The following IDO1 variants were observed in gnomAD, a reference collection of about 807,000 sequenced individuals.
IDO1 encodes the protein indoleamine 2,3-dioxygenase 1.
A neutral mutation model predicts 38.8 loss-of-function variants in IDO1; 35 were observed. That is an observed-to-expected ratio of 0.90 (90% confidence interval 0.69 to 1.20). The LOEUF is 1.20. IDO1 is among the 50% of genes most tolerant of loss of function. The pLI is 0.00. For missense variants in IDO1, 509 were observed against 485.1 expected, an observed-to-expected ratio of 1.05 and a Z score of -0.46; for synonymous variants, 171 against 170.0, an observed-to-expected ratio of 1.01 and a Z score of -0.05.
Position 39,927,894 on chromosome 8 carries a change from G to T in IDO1, c.921G>T (p.Leu307=), listed in dbSNP as rs747391374. 1.7e-5 allele frequency: 27 copies of T among 1,602,830 alleles called. No individual in the cohort carries two copies. ...TGCCACCAGCTCACAGGAACTTCCT[G>T]TGCTCATTAGAGTCAAATCCCTCAG... ...RYMPPAHRNF[L]CSLESNPSVR... is the part of the protein sequence containing the mutation. The change falls in exon 10 of 10, where the codon CTG becomes CTT. Residue 307 remains leucine, a synonymous_variant. Coordinates refer to ENST00000518237, the MANE Select transcript of IDO1 (RefSeq NM_002164.6).
At chr8:39,922,464 T>G (rs1471656830) in intron 5 of IDO1, 88 bp from the exon 6 acceptor site, 1 of 833,684 alleles carries the variant, frequency 1.2e-6, no homozygotes, top group African/African-American at 1.7e-5. Flanking sequence ...TAAAATTATG[T>G]TGAAACTAAA....
At chr8:39,920,231 T>C (rs1020132503) in intron 5 of IDO1, 117 bp downstream of exon 5, 28 of 733,140 alleles carry the variant, frequency 3.8e-5, no homozygotes, top group South Asian at 1.2e-4. Flanking sequence ...AGCCAAAAAA[T>C]AATTTAAGTG....
In IDO1 at chr8:39,925,291, T is replaced by G; in HGVS notation, c.776T>G (p.Phe259Cys). 1 of 1,613,358 alleles carries G rather than the reference T, an allele frequency of 6.2e-7. No homozygotes were observed. Among genetic ancestry groups the G allele is most frequent in the Non-Finnish European group, 8.5e-7 (1 of 1,179,722 alleles). The change falls in exon 9 of 10, where the codon TTT becomes TGT. Residue 259 changes from phenylalanine to cysteine, a missense_variant. Coordinates refer to ENST00000518237, the MANE Select transcript of IDO1 (RefSeq NM_002164.6). ...YEGFWEDPKE[F>C]AGGSAGQSSV... Reference sequence around the variant, plus strand: ...GGGTTCTGGGAAGACCCAAAGGAGTTTGCAGGGGGCAGTGCAGGCCAAAGC... The same window carrying G: ...GGGTTCTGGGAAGACCCAAAGGAGTGTGCAGGGGGCAGTGCAGGCCAAAGC...
At chr8:39,927,740 C>A in intron 9 of IDO1, 90 bp from the exon 10 acceptor site, 2 of 708,500 alleles carry the variant, frequency 2.8e-6, no homozygotes, top group Non-Finnish European at 4.5e-6. Context: ...TATTGGTGAT[C>A]TCCTGCCCAC....
rs561548679 is a variant in IDO1, at chr8:39,913,898, G to T, written c.-25G>T. ...TCTGAAAACTCTTCAGACACTGAGG[G>T]GCACCAGAGGAGCAGACTACAAGAA... On this transcript the variant is annotated 5_prime_UTR_variant, in exon 1 of 10. Transcript: ENST00000518237. 6.1e-5 allele frequency: 93 copies of T among 1,513,142 alleles called. No homozygotes were observed. The South Asian group carries it at 1.1e-3, about 17-fold the overall frequency. 93.7% of individuals were successfully genotyped at this position (1,513,142 alleles called of 1,614,324 possible).
chr8:39,928,338 G>A lies in IDO1; in HGVS notation c.*153G>A, dbSNP rs1163842443. The A allele has an allele frequency of 7.1e-6, 4 of 561,758 alleles. No individual in the cohort carries two copies. The highest frequency in any genetic ancestry group is 5.7e-5 in the East Asian group (2 of 34,850). 34.8% of individuals were successfully genotyped at this position (561,758 alleles called of 1,614,324 possible). The stretch of plus-strand genomic sequence containing the variant: ...TCAAAATACCTGTGCATTTCTTGTA[G>A]GAAAACAACAAAAGGTAATTATGTG... On this transcript the variant is annotated 3_prime_UTR_variant, in exon 10 of 10. Transcript: ENST00000518237.
intron 7 of IDO1, 149 bp from the exon 8 acceptor site, chr8:39,924,572 C>T: frequency 1.7e-6 from 1 of 596,868 alleles, no homozygotes; most frequent in East Asian, 2.8e-5. Flanking sequence ...AAAGTGAATG[C>T]TTATCTGCAG....
chr8:39,918,410 C>T, intron 3 of IDO1: 1 of 563,498 alleles, frequency 1.8e-6, no homozygotes. Context: ...CTTCATTTTT[C>T]ATCCTGTATT....
intron 4 of IDO1, among the ~76,000 whole-genome samples, chr8:39,919,691 T>A (rs1586210458): frequency 2.0e-5 from 3 of 152,118 alleles, no homozygotes; most frequent in African/African-American, 4.8e-5. Flanking sequence ...TAAAAAAAAA[T>A]TCACCGGGAA....
At chr8:39,926,143 C>T (rs1235414297) in intron 9 of IDO1, among the ~76,000 whole-genome samples, 2 of 151,734 alleles carry the variant, frequency 1.3e-5, no homozygotes, top group East Asian at 1.9e-4. Flanking sequence ...ACCGATATGG[C>T]GCCACTGCAC....
intron 5 of IDO1, among the ~76,000 whole-genome samples, chr8:39,921,400 A>G (rs1340145791): frequency 1.3e-5 from 2 of 152,080 alleles, no homozygotes; most frequent in African/African-American, 4.8e-5. Context: ...TGGCAGTGAG[A>G]CGAGATTGTG....
chr8:39,927,161 C>G (rs1807374101), intron 9 of IDO1, among the ~76,000 whole-genome samples: 1 of 152,162 alleles, frequency 6.6e-6, no homozygotes, highest in African/African-American at 2.4e-5. Context: ...CATTTAAACA[C>G]AATCTCTTAA....
chr8:39,918,265 T>C (rs914799499), intron 3 of IDO1, 58 bp downstream of exon 3: 1 of 1,567,662 alleles, frequency 6.4e-7, no homozygotes, highest in African/African-American at 1.4e-5. Context: ...CTAATTTACA[T>C]TTAACTTTCC....
rs1159467539 is a variant in IDO1 at position 39,918,883 on chromosome 8, G to C, written c.372G>C (p.Leu124Phe). The C allele has an allele frequency of 1.2e-5, 19 of 1,612,470 alleles. No individual in the cohort carries two copies. Among genetic ancestry groups the C allele is most frequent in the Non-Finnish European group, 1.4e-5 (16 of 1,179,120 alleles). ...AGAAACTGGAACTGCCTCCTATTTT[G>C]GTTTATGCAGACTGTGTCTTGGCAA... ...LSKKLELPPI[L>F]VYADCVLANW... Residue 124 changes from leucine (L) to phenylalanine (F), a missense_variant, in exon 4 of 10, where the codon TTG becomes TTC. Transcript: ENST00000518237.
chr8:39,925,671 G>A (rs1329694491), intron 9 of IDO1, among the ~76,000 whole-genome samples: 3 of 151,952 alleles, frequency 2.0e-5, no homozygotes, highest in Admixed American at 1.3e-4. Flanking sequence ...ATCACCTGAG[G>A]TCAGGAGTTT....
Position 39,925,518 on chromosome 8 carries a change from AT to A in IDO1, c.856+148del, listed in dbSNP as rs1249568390. ...GGCAAGTAGGGATTTGGTTGCCATGATCCCATTTTAAAAATGAAGATGCAGA... is the reference window on the plus strand; with the variant it reads ...GGCAAGTAGGGATTTGGTTGCCATGACCCATTTTAAAAATGAAGATGCAGA... On this transcript the variant is annotated intron_variant, in intron 9 of 9. Transcript: ENST00000518237. 8.8e-6 allele frequency: 7 copies of A among 797,980 alleles called. No homozygotes were observed. In the African/African-American group the frequency reaches 1.2e-4, roughly 14 times the overall value. 49.4% of individuals were successfully genotyped at this position (797,980 alleles called of 1,614,324 possible).
At chr8:39,918,442 A>G (rs1477084180) in intron 3 of IDO1, 5 of 531,106 alleles carry the variant, frequency 9.4e-6, no homozygotes, top group Admixed American at 3.3e-5. Flanking sequence ...CCCTAATTAC[A>G]TAAAACTAAT....
At chr8:39,918,394 C>A (rs1012799411) in intron 3 of IDO1, 187 bp downstream of exon 3, 9 of 582,538 alleles carry the variant, frequency 1.5e-5, no homozygotes, top group Non-Finnish European at 2.7e-5. Context: ...TATTTTTAGT[C>A]TTTTACTTCA....
chr8:39,928,657 T>C lies in IDO1; in HGVS notation c.*472T>C, dbSNP rs921305784. ...CTGAGGCAGGAGAATGGCGTGAACCTGGGAGGCGGAGCTTGCAGTGAGCCA... is the reference window on the plus strand; with the variant it reads ...CTGAGGCAGGAGAATGGCGTGAACCCGGGAGGCGGAGCTTGCAGTGAGCCA... On this transcript the variant is annotated 3_prime_UTR_variant, in exon 10 of 10. Transcript: ENST00000518237. Among the ~76,000 whole-genome samples, 15 of 147,406 alleles carry C rather than the reference T, an allele frequency of 1.0e-4. No individual in the cohort carries two copies. Among genetic ancestry groups the C allele is most frequent in the African/African-American group, 2.8e-4 (11 of 39,686 alleles).
Sources: allele counts gnomAD v4.1 joint callset (sites outside exome capture counted in the v4.1 genomes callset), GRCh38; gene constraint gnomAD v4.1.1; transcripts MANE v1.5; gene names NCBI Gene and HGNC (gene_info 2026-07-23, HGNC 2026-07-21).